Variants in SSBP2 observed in about 807,000 individuals in gnomAD.
SSBP2 encodes single-stranded DNA-binding protein 2.
A neutral mutation model predicts 61.8 loss-of-function variants in SSBP2; 17 were observed. The observed-to-expected ratio is 0.28, with a 90% CI of 0.19 to 0.41. SSBP2 has a LOEUF of 0.41. SSBP2 is among the 10% of genes least tolerant of loss of function. The pLI, the probability that SSBP2 is intolerant of heterozygous loss-of-function variation, is 1.00. For synonymous variants in SSBP2, 139 were observed against 141.3 expected (o/e 0.98, Z 0.12); for missense variants, 310 against 458.7 (o/e 0.68, Z 2.96).
intron 4 of SSBP2, among the ~76,000 whole-genome samples, chr5:81,587,746 C>T (rs896809355): frequency 5.6e-4 from 73 of 129,634 alleles, no homozygotes; most frequent in Middle Eastern, 7.5e-3. Context: ...TACACACACA[C>T]GCACACACAC....
At chr5:81,569,974 C>T (rs937351221) in intron 4 of SSBP2, among the ~76,000 whole-genome samples, 1 of 152,032 alleles carries the variant, frequency 6.6e-6, no homozygotes, top group African/African-American at 2.4e-5. Flanking sequence ...CTAGTTTTAT[C>T]TTACTTTAAG....
chr5:81,419,894 C>T lies in SSBP2; in HGVS notation c.*610G>A, dbSNP rs192237984. ...TTTTCTTCTATTTTTTGAGACAGTA[C>T]ACTTTGTGATTCACAGGATAACTTG... On this transcript the variant is annotated 3_prime_UTR_variant, in exon 17 of 17. Coordinates refer to ENST00000320672, the MANE Select transcript of SSBP2 (RefSeq NM_012446.5). 6.6e-6 allele frequency: 1 copy of T among 152,318 alleles called. No homozygotes were observed. Among genetic ancestry groups the T allele is most frequent in the African/African-American group, 2.4e-5 (1 of 41,568 alleles). 9.4% of individuals were successfully genotyped at this position (152,318 alleles called of 1,614,324 possible). A position where few individuals can be genotyped will look rare whatever the true frequency, so the allele number is the denominator to read the frequency against.
At chr5:81,639,512 T>G (rs766222050) in intron 2 of SSBP2, among the ~76,000 whole-genome samples, 2 of 151,672 alleles carry the variant, frequency 1.3e-5, no homozygotes, top group Non-Finnish European at 2.9e-5. Flanking sequence ...TATGTTTATA[T>G]GAGAAGGTGA....
intron 5 of SSBP2, among the ~76,000 whole-genome samples, chr5:81,513,196 T>C (rs1267485919): frequency 1.3e-5 from 2 of 152,118 alleles, no homozygotes; most frequent in Admixed American, 1.3e-4. Flanking sequence ...AAACATATTT[T>C]GATATAGCCT....
chr5:81,523,365 C>T (rs1300150727), intron 4 of SSBP2, among the ~76,000 whole-genome samples: 3 of 151,998 alleles, frequency 2.0e-5, no homozygotes, highest in Non-Finnish European at 2.9e-5. Flanking sequence ...CTGTATTTAG[C>T]TTAACCAGAA....
chr5:81,622,208 A>G (rs919689301), intron 3 of SSBP2, among the ~76,000 whole-genome samples: 13 of 152,086 alleles, frequency 8.5e-5, no homozygotes, highest in South Asian at 2.1e-4. Context: ...CTGGGGGGGA[A>G]AAATTATGCT....
At chr5:81,564,918 G>A (rs1223512216) in intron 4 of SSBP2, among the ~76,000 whole-genome samples, 3 of 152,142 alleles carry the variant, frequency 2.0e-5, no homozygotes, top group Admixed American at 2.0e-4. Context: ...GCACAACTTT[G>A]TATCTTTCCA....
chr5:81,516,660 G>T (rs1769041961), intron 4 of SSBP2, among the ~76,000 whole-genome samples: 1 of 152,014 alleles, frequency 6.6e-6, no homozygotes, highest in Non-Finnish European at 1.5e-5. Context: ...AACATATACT[G>T]ATAATAAACG....
At chr5:81,747,461 C>T (rs1757431402) in intron 1 of SSBP2, among the ~76,000 whole-genome samples, 1 of 151,926 alleles carries the variant, frequency 6.6e-6, no homozygotes, top group Non-Finnish European at 1.5e-5. Flanking sequence ...AAAAAATATA[C>T]ATAAAACACT....
At chr5:81,693,272 T>C (rs1196997765) in intron 1 of SSBP2, among the ~76,000 whole-genome samples, 1 of 148,344 alleles carries the variant, frequency 6.7e-6, no homozygotes, top group East Asian at 2.0e-4. Flanking sequence ...TGGGCAAAGG[T>C]TTATTGAGGA....
intron 4 of SSBP2, among the ~76,000 whole-genome samples, chr5:81,590,117 C>T (rs548649168): frequency 6.6e-6 from 1 of 151,990 alleles, no homozygotes; most frequent in Non-Finnish European, 1.5e-5. Context: ...CAAACTGTCT[C>T]GCTCATAAGT....
At chr5:81,651,203 C>T (rs1298257997) in intron 1 of SSBP2, among the ~76,000 whole-genome samples, 1 of 152,014 alleles carries the variant, frequency 6.6e-6, no homozygotes, top group Non-Finnish European at 1.5e-5. Flanking sequence ...TCAGTTTCTG[C>T]TACACTATAT....
intron 1 of SSBP2, among the ~76,000 whole-genome samples, chr5:81,684,777 G>A (rs140857853): frequency 0.012 from 1,893 of 152,260 alleles, 17 homozygotes; most frequent in South Asian, 0.021. Flanking sequence ...TGTCTCAGAT[G>A]AGACTTTGGA....
At chr5:81,571,749 A>G (rs921574646) in intron 4 of SSBP2, among the ~76,000 whole-genome samples, 1 of 152,136 alleles carries the variant, frequency 6.6e-6, no homozygotes, top group Non-Finnish European at 1.5e-5. Flanking sequence ...ATTCAACAAT[A>G]TTATCTGGCA....
At chr5:81,590,963 C>T (rs183886584) in intron 4 of SSBP2, among the ~76,000 whole-genome samples, 1 of 152,176 alleles carries the variant, frequency 6.6e-6, no homozygotes, top group African/African-American at 2.4e-5. Context: ...GGGAAACAAT[C>T]CCTGCCTAAG....
intron 4 of SSBP2, among the ~76,000 whole-genome samples, chr5:81,540,151 A>G (rs1367981894): frequency 1.3e-5 from 2 of 152,238 alleles, no homozygotes; most frequent in South Asian, 4.1e-4. Context: ...ATTGATGGGC[A>G]TTTGGGTTGG....
At chr5:81,626,047 G>A (rs559685155) in intron 3 of SSBP2, among the ~76,000 whole-genome samples, 14 of 152,192 alleles carry the variant, frequency 9.2e-5, no homozygotes, top group Non-Finnish European at 1.9e-4. Context: ...GACAATCTCT[G>A]TTTAAGAAAA....
rs978333971 is a variant in SSBP2 at position 81,444,092 on chromosome 5, T to G, written c.779-1369A>C. ...GGCTGTGAACAATGACCCATAAATC[T>G]AAATACTGTATCTTATTTGAATATA... On this transcript the variant is annotated intron_variant, in intron 12 of 16. Transcript: ENST00000320672. Among the ~76,000 whole-genome samples, 41 of 152,232 alleles carry G rather than the reference T, an allele frequency of 2.7e-4. 1 individual carries two copies. The highest frequency in any genetic ancestry group is 8.8e-5 in the Non-Finnish European group (6 of 68,040).
intron 4 of SSBP2, among the ~76,000 whole-genome samples, chr5:81,562,529 A>T (rs186569373): frequency 1.2e-4 from 19 of 152,330 alleles, no homozygotes; most frequent in Admixed American, 5.2e-4. Flanking sequence ...TACAATGTAA[A>T]TATGATATAA....
Sources: allele counts gnomAD v4.1 joint callset (sites outside exome capture counted in the v4.1 genomes callset), GRCh38; gene constraint gnomAD v4.1.1; transcripts MANE v1.5; gene names NCBI Gene and HGNC (gene_info 2026-07-23, HGNC 2026-07-21).